Variants in ARID5B observed in about 807,000 individuals in gnomAD.
ARID5B encodes AT-rich interaction domain 5B.
A neutral mutation model predicts 97.2 loss-of-function variants in ARID5B; 13 were observed. That is an observed-to-expected ratio of 0.13 (90% CI 0.09 to 0.21). ARID5B has a LOEUF of 0.21. Ranked by LOEUF, ARID5B falls within the 10% of genes least tolerant of loss-of-function variation. The pLI, the probability that ARID5B is intolerant of heterozygous loss-of-function variation, is 1.00. For synonymous variants in ARID5B, 556 were observed against 570.3 expected, an observed-to-expected ratio of 0.97 and a Z score of 0.36; for missense variants, 1,210 against 1,465.3, an observed-to-expected ratio of 0.83 and a Z score of 2.84.
intron 5 of ARID5B, among the ~76,000 whole-genome samples, chr10:62,055,620 T>G (rs1839845898): frequency 6.6e-6 from 1 of 152,228 alleles, no homozygotes; most frequent in South Asian, 2.1e-4. Flanking sequence ...CGCCTTCATA[T>G]AATGTTAGAG....
intron 8 of ARID5B, among the ~76,000 whole-genome samples, chr10:62,073,308 C>T (rs1840089115): frequency 6.6e-6 from 1 of 152,174 alleles, no homozygotes; most frequent in African/African-American, 2.4e-5. Context: ...CACTGTGGTT[C>T]ATGTTTCCAG....
In ARID5B at chr10:62,094,061, G is replaced by C. The variant is rs1840429535; in HGVS notation, c.*1031G>C. On this transcript the variant is annotated 3_prime_UTR_variant, in exon 10 of 10. Transcript: ENST00000279873. Reference sequence around the variant, plus strand: ...GGCTGTGAAACTGTCCTACATACCAGAGAATCATAAAAACAAAAACCTCAC... The same window carrying C: ...GGCTGTGAAACTGTCCTACATACCACAGAATCATAAAAACAAAAACCTCAC... 1 of 233,480 alleles carries C rather than the reference G, an allele frequency of 4.3e-6. No individual in the cohort carries two copies. Among genetic ancestry groups the C allele is most frequent in the Admixed American group, 5.6e-5 (1 of 17,766 alleles). 14.5% of individuals were successfully genotyped at this position (233,480 alleles called of 1,614,324 possible).
intron 4 of ARID5B, among the ~76,000 whole-genome samples, chr10:62,036,610 T>C (rs1193072615): frequency 6.6e-6 from 1 of 152,214 alleles, no homozygotes; most frequent in Admixed American, 6.5e-5. Flanking sequence ...GGGAATGTCC[T>C]TGTCAGCTCC....
intron 4 of ARID5B, among the ~76,000 whole-genome samples, chr10:62,021,475 G>A (rs1453816053): frequency 6.6e-6 from 1 of 152,182 alleles, no homozygotes; most frequent in Non-Finnish European, 1.5e-5. Context: ...GAATATGAAA[G>A]AGGAAGTTGG....
chr10:62,052,816 AGAGATG>A (rs57083096), intron 5 of ARID5B, among the ~76,000 whole-genome samples: 27,153 of 152,032 alleles, frequency 0.18, 2,751 homozygotes, highest in East Asian at 0.32. Flanking sequence ...ATCTTTACAA[AGAGATG>A]GATCATTCTT....
At chr10:62,037,079 A>C (rs1185509578) in intron 4 of ARID5B, among the ~76,000 whole-genome samples, 1 of 152,210 alleles carries the variant, frequency 6.6e-6, no homozygotes, top group East Asian at 1.9e-4. Flanking sequence ...AGCAGTCTAC[A>C]CTAGCCCTTG....
At position 62,000,354 on chromosome 10, in the gene ARID5B, TTGTGCG is replaced by T. The variant is rs749534275; in HGVS notation, c.733+38_733+43del. ...TTTTTTTTTTTTTCCTACCTGATTC[TTGTGCG>T]TGTGTGCCTAGTTGTTTTCAGTTCT... On this transcript the variant is annotated intron_variant, in intron 4 of 9. Coordinates refer to ENST00000279873, the MANE Select transcript of ARID5B (RefSeq NM_032199.3). The surrounding 1 kb of genome is among the most constrained non-coding windows in gnomAD (Gnocchi z 4.4). The T allele has an allele frequency of 1.3e-6, 2 of 1,532,658 alleles. No homozygotes were observed. The highest frequency in any genetic ancestry group is 2.4e-5 in the South Asian group (2 of 84,172). 94.9% of individuals were successfully genotyped at this position (1,532,658 alleles called of 1,614,324 possible). A position where few individuals can be genotyped will look rare whatever the true frequency, so the allele number is the denominator to read the frequency against.
At chr10:62,021,722 T>C (rs12268598) in intron 4 of ARID5B, among the ~76,000 whole-genome samples, 9,146 of 152,290 alleles carry the variant, frequency 0.06, 293 homozygotes, top group Middle Eastern at 0.082. Context: ...ATAAAGAAGT[T>C]AATTTATTTC....
At chr10:62,061,070 T>C (rs192905124) in intron 7 of ARID5B, among the ~76,000 whole-genome samples, 3 of 152,338 alleles carry the variant, frequency 2.0e-5, no homozygotes, top group Middle Eastern at 3.4e-3. Context: ...TGACCACATA[T>C]TTACTGAGTA....
intron 3 of ARID5B, among the ~76,000 whole-genome samples, chr10:61,981,457 T>C (rs558553198): frequency 6.6e-6 from 1 of 152,268 alleles, no homozygotes; most frequent in South Asian, 2.1e-4. Context: ...AATTTTTATA[T>C]TTTTAATAGA....
At chr10:61,986,698 G>T (rs1838851697) in intron 3 of ARID5B, among the ~76,000 whole-genome samples, 1 of 152,178 alleles carries the variant, frequency 6.6e-6, no homozygotes, top group Non-Finnish European at 1.5e-5. Context: ...TGTTTCCCGT[G>T]CTGTGGTGCC....
At chr10:61,997,361 A>G (rs10761600) in intron 3 of ARID5B, among the ~76,000 whole-genome samples, 1 of 151,582 alleles carries the variant, frequency 6.6e-6, no homozygotes, top group Non-Finnish European at 1.5e-5. Context: ...GCAGTTAGAG[A>G]TGGCATCATC....
chr10:62,019,874 T>C (rs143942785), intron 4 of ARID5B, among the ~76,000 whole-genome samples: 53 of 152,290 alleles, frequency 3.5e-4, no homozygotes, highest in African/African-American at 1.2e-3. Flanking sequence ...GCCACAGAAT[T>C]AGCAAGGACT....
At chr10:61,940,489 A>G (rs1379625623) in intron 3 of ARID5B, 81 bp downstream of exon 3, 2 of 1,117,602 alleles carry the variant, frequency 1.8e-6, no homozygotes, top group African/African-American at 1.6e-5. Context: ...TGGAAACACT[A>G]TCATTTATAT....
intron 7 of ARID5B, 93 bp downstream of exon 7, chr10:62,059,388 CACTG>C: frequency 1.0e-6 from 1 of 995,662 alleles, no homozygotes; most frequent in Non-Finnish European, 1.6e-6. Context: ...GGCAAAACAT[CACTG>C]ACTGCCTTTT....
intron 4 of ARID5B, among the ~76,000 whole-genome samples, chr10:62,024,351 T>C (rs1228339734): frequency 6.6e-6 from 1 of 152,260 alleles, no homozygotes; most frequent in Non-Finnish European, 1.5e-5. Context: ...CTGTTGTCTT[T>C]GTAGCAGCCA....
intron 4 of ARID5B, among the ~76,000 whole-genome samples, chr10:62,038,360 G>C (rs1249528830): frequency 6.8e-6 from 1 of 148,050 alleles, no homozygotes; most frequent in Non-Finnish European, 1.5e-5. Context: ...GAAACAAACT[G>C]TTCCTTATTT....
chr10:61,934,497 G>A (rs1164372194), intron 2 of ARID5B, among the ~76,000 whole-genome samples: 2 of 152,056 alleles, frequency 1.3e-5, no homozygotes, highest in East Asian at 3.9e-4. Context: ...GAGAGGCATG[G>A]GACTCCTACT....
At chr10:61,933,100 AC>A (rs1844240062) in intron 2 of ARID5B, among the ~76,000 whole-genome samples, 1 of 152,314 alleles carries the variant, frequency 6.6e-6, no homozygotes, top group Middle Eastern at 3.4e-3. Flanking sequence ...AAACAAAAAA[AC>A]ATTGTTGACA....
Sources: allele counts gnomAD v4.1 joint callset (sites outside exome capture counted in the v4.1 genomes callset), GRCh38; gene constraint gnomAD v4.1.1; non-coding constraint Gnocchi (gnomAD v3.1); transcripts MANE v1.5; gene names NCBI Gene and HGNC (gene_info 2026-07-23, HGNC 2026-07-21).